Variants in AGAP1 observed in about 807,000 individuals in gnomAD.
AGAP1 encodes arf-GAP with GTPase, ANK repeat and PH domain-containing protein 1.
Under a neutral mutation model 105.3 loss-of-function variants are expected in AGAP1, and 29 were observed. The ratio of observed to expected loss-of-function variants is 0.28; its 90% CI spans 0.21 to 0.38. AGAP1 has a LOEUF of 0.38. AGAP1 is among the 10% of genes least tolerant of loss of function. The pLI, the probability that AGAP1 is intolerant of heterozygous loss-of-function variation, is 1.00. For missense variants in AGAP1, 998 were observed against 1,165.1 expected, an observed-to-expected ratio of 0.86 and a Z score of 2.09; for synonymous variants, 509 against 485.9, an observed-to-expected ratio of 1.05 and a Z score of -0.63.
rs1467468521 is a variant in AGAP1 at position 235,908,891 on chromosome 2, A to G, written c.1309A>G (p.Ile437Val). The change falls in exon 11 of 18, where the codon ATC becomes GTC. Residue 437 changes from isoleucine (I) to valine (V), a missense_variant. This residue lies in a region of AGAP1 where 735 missense variants were observed against 833.4 expected (regional missense o/e 0.88). Coordinates refer to ENST00000304032, the MANE Select transcript of AGAP1 (RefSeq NM_001037131.3). This position sits in a 1 kb window ranked among gnomAD's most constrained non-coding sequence, Gnocchi z 4.4. ...GLSKDMSSLH[I>V]SPNSGNVTSA... ...ATCCAAGGACATGAGCAGTTTACACATCTCACCCAATTCAGGTAAGCTTAC... is the reference window on the plus strand; with the variant it reads ...ATCCAAGGACATGAGCAGTTTACACGTCTCACCCAATTCAGGTAAGCTTAC... The G allele has an allele frequency of 6.2e-7, 1 of 1,612,358 alleles. No homozygotes were observed.
At chr2:235,516,055 T>TTTGCTG (rs1553556276) in intron 1 of AGAP1, among the ~76,000 whole-genome samples, 1 of 138,630 alleles carries the variant, frequency 7.2e-6, no homozygotes, top group Non-Finnish European at 1.6e-5. Flanking sequence ...CATGGGCTCC[T>TTTGCTG]CTGCTGCTGC....
At chr2:235,916,240 T>G (rs1390768948) in intron 11 of AGAP1, among the ~76,000 whole-genome samples, 1 of 152,216 alleles carries the variant, frequency 6.6e-6, no homozygotes, top group African/African-American at 2.4e-5. Context: ...GGTCACTGGC[T>G]TCTCAAGATG....
intron 1 of AGAP1, among the ~76,000 whole-genome samples, chr2:235,619,197 G>A (rs1946397391): frequency 6.6e-6 from 1 of 152,218 alleles, no homozygotes; most frequent in Non-Finnish European, 1.5e-5. Flanking sequence ...CACCAAGTTT[G>A]TGGTTTGTTA....
rs2057080841 is a variant in AGAP1 at position 236,027,168 on chromosome 2, G to A, written c.1646-9393G>A. On this transcript the variant is annotated intron_variant, in intron 13 of 17. Coordinates refer to ENST00000304032, the MANE Select transcript of AGAP1 (RefSeq NM_001037131.3). This position sits in a 1 kb window ranked among gnomAD's most constrained non-coding sequence, Gnocchi z 4.4. The stretch of plus-strand genomic sequence containing the variant: ...TTGTACTTATTTTTTTTAATCTTGG[G>A]AGGCAGAGAAAAGTCATATGGCAGA... Among the ~76,000 whole-genome samples, 1 of 151,996 alleles carries A rather than the reference G, an allele frequency of 6.6e-6. No homozygotes were observed. Among genetic ancestry groups the A allele is most frequent in the South Asian group, 2.1e-4 (1 of 4,818 alleles).
In AGAP1 at chr2:236,105,470, G is replaced by A. The variant is rs1476613076; in HGVS notation, c.2115-14722G>A. Among the ~76,000 whole-genome samples the A allele has an allele frequency of 2.0e-5, 3 of 152,042 alleles. No homozygotes were observed. Among genetic ancestry groups the A allele is most frequent in the Non-Finnish European group, 2.9e-5 (2 of 67,994 alleles). On this transcript the variant is annotated intron_variant, in intron 16 of 17. Transcript: ENST00000304032. The surrounding 1 kb of genome is among the most constrained non-coding windows in gnomAD (Gnocchi z 4.2). Reference sequence around the variant, plus strand: ...TGTTGGCTGATTCATTTCTGGTGAGGGGCCTCTTCCTGGCTTATAGACAGA... The same window carrying A: ...TGTTGGCTGATTCATTTCTGGTGAGAGGCCTCTTCCTGGCTTATAGACAGA...
intron 12 of AGAP1, among the ~76,000 whole-genome samples, chr2:235,955,607 A>G (rs969707881): frequency 6.6e-6 from 1 of 152,226 alleles, no homozygotes. Flanking sequence ...GATGTTAAAG[A>G]AGAAAAGAAT....
intron 3 of AGAP1, among the ~76,000 whole-genome samples, chr2:235,727,378 C>G (rs1043544450): frequency 1.3e-5 from 2 of 152,078 alleles, no homozygotes; most frequent in African/African-American, 4.8e-5. Flanking sequence ...GTTCTCTTTC[C>G]TAATTCACAG....
chr2:235,671,990 G>A (rs569113904), intron 1 of AGAP1, among the ~76,000 whole-genome samples: 1 of 152,286 alleles, frequency 6.6e-6, no homozygotes, highest in East Asian at 1.9e-4. Flanking sequence ...TCTCCTGGGA[G>A]GGGGTTGTAT....
intron 1 of AGAP1, among the ~76,000 whole-genome samples, chr2:235,696,355 A>G (rs1397794252): frequency 6.6e-6 from 1 of 152,186 alleles, no homozygotes; most frequent in Non-Finnish European, 1.5e-5. Flanking sequence ...CTGTTTACCA[A>G]TTTTTAAACC....
At chr2:235,677,103 G>A (rs1441545061) in intron 1 of AGAP1, among the ~76,000 whole-genome samples, 2 of 152,170 alleles carry the variant, frequency 1.3e-5, no homozygotes, top group African/African-American at 2.4e-5. Context: ...TTGCATTCAC[G>A]TTTGCTAGTT....
At chr2:235,861,069 A>T (rs1300213639) in intron 9 of AGAP1, among the ~76,000 whole-genome samples, 2 of 152,234 alleles carry the variant, frequency 1.3e-5, no homozygotes, top group African/African-American at 4.8e-5. Context: ...ATGGGGCATG[A>T]AATGCAATAC....
At chr2:235,838,297 G>A (rs1053159369) in intron 9 of AGAP1, among the ~76,000 whole-genome samples, 1 of 152,128 alleles carries the variant, frequency 6.6e-6, no homozygotes, top group Admixed American at 6.5e-5. Context: ...TAAGTAAATG[G>A]CACTATTGAT....
At chr2:235,771,992 T>G (rs1955490593) in intron 6 of AGAP1, among the ~76,000 whole-genome samples, 1 of 139,222 alleles carries the variant, frequency 7.2e-6, no homozygotes, top group African/African-American at 2.5e-5. Flanking sequence ...TTTTTTTCTT[T>G]TCTTATCTTT....
chr2:235,558,353 C>G (rs1178486323), intron 1 of AGAP1, among the ~76,000 whole-genome samples: 1 of 152,114 alleles, frequency 6.6e-6, no homozygotes, highest in Non-Finnish European at 1.5e-5. Context: ...CTCTGTGTGT[C>G]TTTCTTGGTT....
Position 235,817,107 on chromosome 2 carries a change from A to G in AGAP1, c.1050+9776A>G, listed in dbSNP as rs1559523000. ...CAAACAAGCACCTCTCCTGGCAGAG[A>G]GAAATCACTGGCTGCCAGAATTTCA... On this transcript the variant is annotated intron_variant, in intron 9 of 17. Transcript: ENST00000304032. 2.0e-5 allele frequency among the ~76,000 whole-genome samples: 3 copies of G among 152,180 alleles called. No individual in the cohort carries two copies. The South Asian group carries it at 6.2e-4, about 32-fold the overall frequency.
In AGAP1 at chr2:236,114,441, T is replaced by C. The variant is rs991837331; in HGVS notation, c.2115-5751T>C. On this transcript the variant is annotated intron_variant, in intron 16 of 17. Transcript: ENST00000304032. This position sits in a 1 kb window ranked among gnomAD's most constrained non-coding sequence, Gnocchi z 5.0. Reference sequence around the variant, plus strand: ...CGCTAGTGAGAAAGATGAAGGATGCTATCCAGAGTATGTGTCAGCTCAGGC... The same window carrying C: ...CGCTAGTGAGAAAGATGAAGGATGCCATCCAGAGTATGTGTCAGCTCAGGC... Among the ~76,000 whole-genome samples, 1 of 152,228 alleles carries C rather than the reference T, an allele frequency of 6.6e-6. No homozygotes were observed. The highest frequency in any genetic ancestry group is 1.5e-5 in the Non-Finnish European group (1 of 68,038).
In AGAP1 at chr2:235,589,051, G is replaced by A. The variant is rs1245935788; in HGVS notation, c.163+94202G>A. Among the ~76,000 whole-genome samples, 4 of 151,990 alleles carry A rather than the reference G, an allele frequency of 2.6e-5. No homozygotes were observed. In the East Asian group the frequency reaches 7.7e-4, roughly 29 times the overall value. On this transcript the variant is annotated intron_variant, in intron 1 of 17. Coordinates refer to ENST00000304032, the MANE Select transcript of AGAP1 (RefSeq NM_001037131.3). Reference sequence around the variant, plus strand: ...TGAATAGCTCTGCCAGATTTCACAGGTGCTCCTTGCTCTGGGAGGCCCTGA... The same window carrying A: ...TGAATAGCTCTGCCAGATTTCACAGATGCTCCTTGCTCTGGGAGGCCCTGA...
At position 235,741,574 on chromosome 2, in the gene AGAP1, G is replaced by A. The variant is rs1952586547; in HGVS notation, c.396+526G>A. 6.6e-6 allele frequency among the ~76,000 whole-genome samples: 1 copy of A among 152,190 alleles called. No individual in the cohort carries two copies. Among genetic ancestry groups the A allele is most frequent in the Non-Finnish European group, 1.5e-5 (1 of 68,024 alleles). ...GAAGCATATTATGATTTCTTTGGAAGTTCCTGGAAAGATGGTCATTCTGGA... is the reference window on the plus strand; with the variant it reads ...GAAGCATATTATGATTTCTTTGGAAATTCCTGGAAAGATGGTCATTCTGGA... On this transcript the variant is annotated intron_variant, in intron 4 of 17. Coordinates refer to ENST00000304032, the MANE Select transcript of AGAP1 (RefSeq NM_001037131.3). This position sits in a 1 kb window ranked among gnomAD's most constrained non-coding sequence, Gnocchi z 4.9.
rs141067919 is a variant in AGAP1, at chr2:235,852,747, G to A, written c.1051-30598G>A. 9.4e-5 allele frequency: 144 copies of A among 1,539,294 alleles called. 1 individual carries two copies. The East Asian group carries it at 2.4e-3, about 26-fold the overall frequency. Reference sequence around the variant, plus strand: ...ACTTATCTCAGGCCTGCTGGAGCCCGTGCCCGTCAGTCCTCCCCCTGGCCA... The same window carrying A: ...ACTTATCTCAGGCCTGCTGGAGCCCATGCCCGTCAGTCCTCCCCCTGGCCA... On this transcript the variant is annotated intron_variant, in intron 9 of 17. Coordinates refer to ENST00000304032, the MANE Select transcript of AGAP1 (RefSeq NM_001037131.3).
Sources: gnomAD v4.1 joint callset for allele counts (sites outside exome capture counted in the v4.1 genomes callset) on GRCh38, gnomAD v4.1.1 for gene constraint, gnomAD v4.1.1 regional missense constraint, Gnocchi (gnomAD v3.1) non-coding constraint, MANE v1.5 for transcripts, NCBI Gene and HGNC (gene_info 2026-07-23, HGNC 2026-07-21) for gene names.